The following LCK variants were observed in gnomAD, a reference collection of about 807,000 sequenced individuals.
LCK encodes the protein tyrosine-protein kinase Lck.
A neutral mutation model predicts 64.6 loss-of-function variants in LCK; 14 were observed. That is an observed-to-expected ratio of 0.22 (90% CI 0.14 to 0.34). The LOEUF is 0.34. LCK is among the 10% of genes least tolerant of loss of function. LCK has a pLI of 1.00. For missense variants in LCK, 434 were observed against 668.1 expected (o/e 0.65, Z 3.86); for synonymous variants, 277 against 263.6 (o/e 1.05, Z -0.49).
At chr1:32,272,693 A>G (rs535361733) in intron 1 of LCK, among the ~76,000 whole-genome samples, 87 of 152,068 alleles carry the variant, frequency 5.7e-4, no homozygotes, top group African/African-American at 2.0e-3. Flanking sequence ...CCACAAGTAC[A>G]AAGGCATTAA....
At chr1:32,253,850 G>C (rs914152733) in intron 1 of LCK, among the ~76,000 whole-genome samples, 2 of 148,562 alleles carry the variant, frequency 1.3e-5, no homozygotes, top group East Asian at 2.0e-4. Context: ...GCCACACACA[G>C]ACACACACAC....
chr1:32,275,007 G>A lies in LCK; in HGVS notation c.202G>A (p.Ala68Thr), dbSNP rs777499240. ...TGTCTTTACAGACAACCTGGTTATC[G>A]CTCTGCACAGCTATGAGCCCTCTCA... is the stretch of plus-strand genomic sequence containing the variant. Reference protein sequence around the residue: ...ASPLQDNLVIALHSYEPSHDG... With the variant: ...ASPLQDNLVITLHSYEPSHDG... The change falls in exon 4 of 13, where the codon GCT becomes ACT. Residue 68 changes from alanine to threonine, a missense_variant. Physicochemically the swap from Ala to Thr is moderately conservative, Grantham distance 58. This residue lies in a region of LCK where 233 missense variants were observed against 291.2 expected (regional missense o/e 0.80). Coordinates refer to ENST00000336890, the MANE Select transcript of LCK (RefSeq NM_005356.5). This position sits in a 1 kb window ranked among gnomAD's most constrained non-coding sequence, Gnocchi z 6.9. 1.2e-6 allele frequency: 2 copies of A among 1,614,128 alleles called. No individual in the cohort carries two copies. Among genetic ancestry groups the A allele is most frequent in the South Asian group, 2.2e-5 (2 of 91,074 alleles).
rs766580359 is a variant in LCK at position 32,276,337 on chromosome 1, A to T, written c.632A>T (p.Asn211Ile). 13 of 1,575,676 alleles carry T rather than the reference A, an allele frequency of 8.3e-6. No individual in the cohort carries two copies. In the Admixed American group the frequency reaches 1.7e-4, roughly 21 times the overall value. ...GLHELVRHYT[N>I]ASDGLCTRLS... is the part of the protein sequence containing the mutation. ...CTTCACCCCTCCCTCGTCCTCGCAG[A>T]TGCTTCAGATGGGCTGTGCACACGG... Residue 211 changes from asparagine (N) to isoleucine (I), a missense_variant and splice_region_variant, in exon 8 of 13, where the codon AAT (asparagine) becomes ATT (isoleucine). By Grantham distance (149) the Asn-to-Ile change is moderately radical. This residue lies in a region of LCK where 233 missense variants were observed against 291.2 expected (regional missense o/e 0.80). Transcript: ENST00000336890. This position sits in a 1 kb window ranked among gnomAD's most constrained non-coding sequence, Gnocchi z 4.6.
intron 12 of LCK, among the ~76,000 whole-genome samples, chr1:32,283,583 G>A (rs912569896): frequency 2.6e-5 from 4 of 152,102 alleles, no homozygotes; most frequent in African/African-American, 9.7e-5. Flanking sequence ...GCTCTTCTTG[G>A]GGTCTACATG....
In LCK at chr1:32,279,655, T is replaced by G; in HGVS notation, c.965-16T>G. 6.2e-7 allele frequency: 1 copy of G among 1,613,944 alleles called. No individual in the cohort carries two copies. The highest frequency in any genetic ancestry group is 2.2e-5 in the East Asian group (1 of 44,866). ...CTGGGGCAACTTGGGCCAGCAACTCTTGCTTCTGCCCACAGGGAGTCTAGT... is the reference window on the plus strand; with the variant it reads ...CTGGGGCAACTTGGGCCAGCAACTCGTGCTTCTGCCCACAGGGAGTCTAGT... On this transcript the variant is annotated splice_polypyrimidine_tract_variant and intron_variant, in intron 9 of 12. Transcript: ENST00000336890.
In LCK at chr1:32,285,747, C is replaced by A. The variant is rs1028665087; in HGVS notation, c.*31C>A. On this transcript the variant is annotated 3_prime_UTR_variant, in exon 13 of 13. Transcript: ENST00000336890. Reference sequence around the variant, plus strand: ...CTTGAGAGGCCCTGGGGTTCTCCCCCTTTCTCTCCAGCCTGACTTGGGGAG... The same window carrying A: ...CTTGAGAGGCCCTGGGGTTCTCCCCATTTCTCTCCAGCCTGACTTGGGGAG... 1 of 1,556,638 alleles carries A rather than the reference C, an allele frequency of 6.4e-7. No homozygotes were observed. The highest frequency in any genetic ancestry group is 8.7e-7 in the Non-Finnish European group (1 of 1,149,606).
At chr1:32,270,546 C>CTAGT (rs1640051265) in intron 1 of LCK, among the ~76,000 whole-genome samples, 1 of 150,728 alleles carries the variant, frequency 6.6e-6, no homozygotes, top group Non-Finnish European at 1.5e-5. Context: ...AGGCGTGTGC[C>CTAGT]ACCATGCCTG....
At chr1:32,259,431 C>A (rs1009244438) in intron 1 of LCK, among the ~76,000 whole-genome samples, 7 of 151,778 alleles carry the variant, frequency 4.6e-5, no homozygotes, top group Non-Finnish European at 1.0e-4. Context: ...ACTACCCTGG[C>A]CAACATGGTG....
intron 1 of LCK, among the ~76,000 whole-genome samples, chr1:32,262,842 C>A (rs1196460545): frequency 7.7e-6 from 1 of 129,970 alleles, no homozygotes; most frequent in Non-Finnish European, 1.6e-5. Context: ...TTCTCATTGT[C>A]TGAAAGAAAG....
intron 1 of LCK, among the ~76,000 whole-genome samples, chr1:32,268,599 A>G (rs1639992784): frequency 2.0e-5 from 3 of 151,978 alleles, no homozygotes; most frequent in African/African-American, 4.8e-5. Context: ...CCCCATAAAC[A>G]TATATACTTA....
At chr1:32,272,155 A>G (rs753668820) in intron 1 of LCK, among the ~76,000 whole-genome samples, 15 of 151,628 alleles carry the variant, frequency 9.9e-5, no homozygotes, top group Non-Finnish European at 2.1e-4. Context: ...GTGATGGTGC[A>G]TGCCTGTAAT....
In LCK at chr1:32,276,077, G is replaced by C; in HGVS notation, c.631+14G>C. 6.2e-7 allele frequency: 1 copy of C among 1,613,582 alleles called. No individual in the cohort carries two copies. Among genetic ancestry groups the C allele is most frequent in the Non-Finnish European group, 8.5e-7 (1 of 1,179,938 alleles). ...GCCATTACACCAGTGAGCCCGACGG[G>C]ACCCCTCCCCCGTGCCCTATCAGCC... is the stretch of plus-strand genomic sequence containing the variant. On this transcript the variant is annotated intron_variant, in intron 7 of 12. Transcript: ENST00000336890. This position sits in a 1 kb window ranked among gnomAD's most constrained non-coding sequence, Gnocchi z 4.6.
chr1:32,271,544 G>A (rs980741702), intron 1 of LCK, among the ~76,000 whole-genome samples: 13 of 152,186 alleles, frequency 8.5e-5, no homozygotes, highest in Admixed American at 5.2e-4. Flanking sequence ...GGGCTCAGTG[G>A]TGCCAGCTAC....
intron 9 of LCK, among the ~76,000 whole-genome samples, chr1:32,278,338 T>C (rs1411213760): frequency 1.3e-5 from 2 of 152,102 alleles, no homozygotes; most frequent in African/African-American, 4.8e-5. Context: ...AAATAGATTA[T>C]GTCATGTGTA....
rs772316081 is a variant in LCK at position 32,275,914 on chromosome 1, G to T, written c.482G>T (p.Gly161Val). ...TTTGTCCATCCATTCATTCATTCAG[G>T]ATCGTTTTCACTGTCGGTCCGGGAC... The part of the protein sequence containing the change: ...FLIRESESTA[G>V]SFSLSVRDFD... Residue 161 changes from glycine to valine, a missense_variant and splice_region_variant, in exon 7 of 13, where the codon GGA becomes GTA. By Grantham distance (109) the Gly-to-Val change is moderately radical. Coordinates refer to ENST00000336890, the MANE Select transcript of LCK (RefSeq NM_005356.5). The surrounding 1 kb of genome is among the most constrained non-coding windows in gnomAD (Gnocchi z 6.9). The T allele has an allele frequency of 1.2e-6, 2 of 1,613,992 alleles. No homozygotes were observed. The highest frequency in any genetic ancestry group is 2.7e-5 in the African/African-American group (2 of 74,920).
rs984343466 is a variant in LCK at position 32,277,818 on chromosome 1, G to A, written c.964+1032G>A. On this transcript the variant is annotated intron_variant, in intron 9 of 12. Transcript: ENST00000336890. ...TGCCATGGTTTCCTACTATAATAACGCGTTAGTAACTTCCTCACAGGGTCT... is the reference window on the plus strand; with the variant it reads ...TGCCATGGTTTCCTACTATAATAACACGTTAGTAACTTCCTCACAGGGTCT... 8.6e-5 allele frequency among the ~76,000 whole-genome samples: 13 copies of A among 151,912 alleles called. 1 individual carries two copies. The highest frequency in any genetic ancestry group is 6.2e-4 in the South Asian group (3 of 4,824).
rs1331205214 is a variant in LCK, at chr1:32,251,565, C to A, written c.-6+194C>A. Among the ~76,000 whole-genome samples, 1 of 152,188 alleles carries A rather than the reference C, an allele frequency of 6.6e-6. No homozygotes were observed. Among genetic ancestry groups the A allele is most frequent in the Non-Finnish European group, 1.5e-5 (1 of 68,004 alleles). Reference sequence around the variant, plus strand: ...CCTCTTTCCTGCGAAGCTGGTGTCGCTTGCCTCTGTCGTGCTGTCCACCAG... The same window carrying A: ...CCTCTTTCCTGCGAAGCTGGTGTCGATTGCCTCTGTCGTGCTGTCCACCAG... On this transcript the variant is annotated intron_variant, in intron 1 of 12. Transcript: ENST00000336890. The surrounding 1 kb of genome is among the most constrained non-coding windows in gnomAD (Gnocchi z 4.0).
rs1639513729 is a variant in LCK, at chr1:32,251,889, TGAGAAAGAGAGAGAGA to T, written c.-6+523_-6+538del. Among the ~76,000 whole-genome samples the T allele has an allele frequency of 8.9e-6, 1 of 112,736 alleles. No homozygotes were observed. Among genetic ancestry groups the T allele is most frequent in the Admixed American group, 9.9e-5 (1 of 10,060 alleles). 74.0% of individuals were successfully genotyped at this position (112,736 alleles called of 152,430 possible). On this transcript the variant is annotated intron_variant, in intron 1 of 12. Coordinates refer to ENST00000336890, the MANE Select transcript of LCK (RefSeq NM_005356.5). The surrounding 1 kb of genome is among the most constrained non-coding windows in gnomAD (Gnocchi z 4.0). Reference sequence around the variant, plus strand: ...GCAGACCCCAGTGACAAGAATCTCCTGAGAAAGAGAGAGAGAGAGAGAGAGAGAGAGAGAGAGAGAG... The same window carrying T: ...GCAGACCCCAGTGACAAGAATCTCCTGAGAGAGAGAGAGAGAGAGAGAGAG...
chr1:32,272,719 G>A (rs1016326437), intron 1 of LCK, among the ~76,000 whole-genome samples: 2 of 152,018 alleles, frequency 1.3e-5, no homozygotes, highest in East Asian at 1.9e-4. Flanking sequence ...AAAATAGCAT[G>A]GGGTGTTTGG....
Sources: gnomAD v4.1 joint callset for allele counts (sites outside exome capture counted in the v4.1 genomes callset) on GRCh38, gnomAD v4.1.1 for gene constraint, gnomAD v4.1.1 regional missense constraint, Gnocchi (gnomAD v3.1) non-coding constraint, MANE v1.5 for transcripts, NCBI Gene and HGNC (gene_info 2026-07-23, HGNC 2026-07-21) for gene names.